Variants in VNN1 observed in about 807,000 individuals in gnomAD.
VNN1 encodes pantetheinase.
Under a neutral mutation model 41.9 loss-of-function variants are expected in VNN1, and 29 were observed. That is an observed-to-expected ratio of 0.69 (90% CI 0.52 to 0.94). VNN1 has a LOEUF of 0.94. Ranked by LOEUF, VNN1 falls within the 40% of genes least tolerant of loss-of-function variation. The probability of loss-of-function intolerance (pLI) is 0.00; values close to 1 mark genes in which losing one functional copy is unlikely to be tolerated. For missense variants in VNN1, 637 were observed against 621.1 expected (o/e 1.03, Z -0.27); for synonymous variants, 233 against 224.4 (o/e 1.04, Z -0.34).
chr6:132,713,132 C>G (rs1397480745), intron 1 of VNN1, among the ~76,000 whole-genome samples: 1 of 152,160 alleles, frequency 6.6e-6, no homozygotes, highest in Non-Finnish European at 1.5e-5. Context: ...GAGACCTTAA[C>G]TCAACAACAC....
chr6:132,683,657 C>T (rs550964107), intron 6 of VNN1, among the ~76,000 whole-genome samples: 2 of 152,260 alleles, frequency 1.3e-5, no homozygotes, highest in African/African-American at 4.8e-5. Context: ...CACAATGGCC[C>T]GAAGCAATTG....
chr6:132,707,974 T>A (rs1778543523), intron 2 of VNN1, among the ~76,000 whole-genome samples: 1 of 152,218 alleles, frequency 6.6e-6, no homozygotes. Context: ...CTTGAGGGGA[T>A]GGAAACCCCA....
chr6:132,688,637 A>G (rs1445763609), intron 5 of VNN1, among the ~76,000 whole-genome samples: 5 of 152,196 alleles, frequency 3.3e-5, no homozygotes, highest in Admixed American at 6.5e-5. Flanking sequence ...TAAAAATAAT[A>G]CATCACAATT....
intron 1 of VNN1, among the ~76,000 whole-genome samples, chr6:132,712,153 CTT>C (rs569395584): frequency 2.3e-5 from 3 of 132,674 alleles, no homozygotes; most frequent in Non-Finnish European, 3.3e-5. Flanking sequence ...TTTTTTCTCT[CTT>C]TTTTTTTTTT....
At chr6:132,707,475 G>C (rs1165962178) in intron 2 of VNN1, among the ~76,000 whole-genome samples, 2 of 152,142 alleles carry the variant, frequency 1.3e-5, no homozygotes, top group Non-Finnish European at 2.9e-5. Context: ...TCAGTATATA[G>C]AAAAGATATC....
chr6:132,687,331 T>A (rs541012431), intron 5 of VNN1, among the ~76,000 whole-genome samples: 1 of 152,028 alleles, frequency 6.6e-6, no homozygotes, highest in Non-Finnish European at 1.5e-5. Flanking sequence ...GACCAGTGAG[T>A]CTCAAAAATC....
intron 2 of VNN1, chr6:132,698,885 C>T (rs1778411586): frequency 4.8e-6 from 1 of 207,214 alleles, no homozygotes; most frequent in Non-Finnish European, 1.1e-5. Flanking sequence ...TGGTTTGAGA[C>T]TAATTGAGTT....
chr6:132,711,318 C>T lies in VNN1; in HGVS notation c.341+391G>A, dbSNP rs926137143. 2.0e-5 allele frequency among the ~76,000 whole-genome samples: 3 copies of T among 151,934 alleles called. No homozygotes were observed. The South Asian group carries it at 6.2e-4, about 31-fold the overall frequency. On this transcript the variant is annotated intron_variant, in intron 2 of 6. Coordinates refer to ENST00000367928, the MANE Select transcript of VNN1 (RefSeq NM_004666.3). Reference sequence around the variant, plus strand: ...TTACAATCAGCTTACACTTTAAGGACTTTACTACATTAACCTCATCAGCTA... The same window carrying T: ...TTACAATCAGCTTACACTTTAAGGATTTTACTACATTAACCTCATCAGCTA...
In VNN1 at chr6:132,692,443, A is replaced by G. The variant is rs541243169; in HGVS notation, c.968T>C (p.Ile323Thr). The G allele has an allele frequency of 6.2e-6, 10 of 1,614,170 alleles. No individual in the cohort carries two copies. In the South Asian group the frequency reaches 8.8e-5, roughly 14 times the overall value. ...CTTGTTTCCTGATGAGAGCGCTTCT[A>G]TACTGCTGGCATAGGAAGTCCAGTT... ...VVNWTSYASS[I>T]EALSSGNKEF... Residue 323 changes from isoleucine (I) to threonine (T), a missense_variant, in exon 5 of 7, where the codon ATA (isoleucine) becomes ACA (threonine). By Grantham distance (89) the Ile-to-Thr change is moderately conservative. Transcript: ENST00000367928.
In VNN1 at chr6:132,693,887, G is replaced by A. The variant is rs921778838; in HGVS notation, c.534+103C>T. The A allele has an allele frequency of 2.2e-5, 30 of 1,370,468 alleles. No individual in the cohort carries two copies. In the South Asian group the frequency reaches 2.5e-4, roughly 11 times the overall value. 84.9% of individuals were successfully genotyped at this position (1,370,468 alleles called of 1,614,324 possible). A position where few individuals can be genotyped will look rare whatever the true frequency, so the allele number is the denominator to read the frequency against. ...TACTTTCTATGCTTTGCCCCTACTC[G>A]ATTTCTAAAGTGTGCTTATCATTAT... is the stretch of plus-strand genomic sequence containing the variant. On this transcript the variant is annotated intron_variant, in intron 3 of 6. Coordinates refer to ENST00000367928, the MANE Select transcript of VNN1 (RefSeq NM_004666.3).
intron 2 of VNN1, among the ~76,000 whole-genome samples, chr6:132,704,023 C>T (rs891149847): frequency 6.6e-6 from 1 of 151,920 alleles, no homozygotes; most frequent in Non-Finnish European, 1.5e-5. Context: ...ATTGAGCACA[C>T]AAGTGTGCTA....
Position 132,693,253 on chromosome 6 carries a change from G to A in VNN1, c.597C>T (p.Phe199=), listed in dbSNP as rs757939772. Residue 199 remains phenylalanine (F), a synonymous_variant, in exon 4 of 7, where the codon TTC becomes TTT. Coordinates refer to ENST00000367928, the MANE Select transcript of VNN1 (RefSeq NM_004666.3). ...TGCCAAAACTTCCAAAGGTGGTATT[G>A]AAAGTCACAATCTCAGGCTCCTTGG... ...NVPKEPEIVT[F]NTTFGSFGIF... 9.9e-6 allele frequency: 16 copies of A among 1,614,040 alleles called. No homozygotes were observed. The Admixed American group carries it at 2.7e-4, about 27-fold the overall frequency.
intron 2 of VNN1, among the ~76,000 whole-genome samples, chr6:132,710,329 C>A (rs1352454466): frequency 3.3e-5 from 5 of 152,146 alleles, no homozygotes; most frequent in African/African-American, 1.2e-4. Flanking sequence ...GAATTACAGG[C>A]ATGAGTCACC....
intron 2 of VNN1, among the ~76,000 whole-genome samples, chr6:132,705,621 G>A (rs1467853661): frequency 6.6e-6 from 1 of 152,092 alleles, no homozygotes; most frequent in Non-Finnish European, 1.5e-5. Flanking sequence ...AGACAAGAAT[G>A]TCCATTTTCA....
intron 2 of VNN1, among the ~76,000 whole-genome samples, chr6:132,701,542 T>C (rs1402069850): frequency 1.3e-5 from 2 of 152,170 alleles, no homozygotes; most frequent in African/African-American, 4.8e-5. Context: ...CTGGAAGTCC[T>C]AGCCAGAGCA....
rs569050279 is a variant in VNN1 at position 132,706,152 on chromosome 6, GA to G, written c.341+5556del. Among the ~76,000 whole-genome samples the G allele has an allele frequency of 3.1e-3, 474 of 151,274 alleles. 4 individuals carry two copies. Among genetic ancestry groups the G allele is most frequent in the Non-Finnish European group, 5.5e-3 (370 of 67,740 alleles). On this transcript the variant is annotated intron_variant, in intron 2 of 6. Transcript: ENST00000367928. ...ACCAATGTCATTCTTCACAGACATA[GA>G]AAAAAAAATTCTGAAATTTACGTGG...
rs1029177223 is a variant in VNN1 at position 132,682,918 on chromosome 6, C to T, written c.*222G>A. ...ATACTTATTTGATATAATTAGCTCACGTCCAAGAAAGACCAATGTTCAAAT... is the reference window on the plus strand; with the variant it reads ...ATACTTATTTGATATAATTAGCTCATGTCCAAGAAAGACCAATGTTCAAAT... On this transcript the variant is annotated 3_prime_UTR_variant, in exon 7 of 7. Coordinates refer to ENST00000367928, the MANE Select transcript of VNN1 (RefSeq NM_004666.3). 6.3e-6 allele frequency: 2 copies of T among 317,046 alleles called. No individual in the cohort carries two copies. Among genetic ancestry groups the T allele is most frequent in the East Asian group, 5.5e-5 (1 of 18,196 alleles). 19.6% of individuals were successfully genotyped at this position (317,046 alleles called of 1,614,324 possible).
At chr6:132,687,254 CATAACCACCTTTGA>C (rs1407513663) in intron 5 of VNN1, among the ~76,000 whole-genome samples, 3 of 152,176 alleles carry the variant, frequency 2.0e-5, no homozygotes, top group African/African-American at 7.2e-5. Flanking sequence ...GAAGAAAAGT[CATAACCACCTTTGA>C]ATTCCATGCC....
chr6:132,707,961 A>G (rs942083251), intron 2 of VNN1, among the ~76,000 whole-genome samples: 2 of 152,232 alleles, frequency 1.3e-5, no homozygotes, highest in Non-Finnish European at 2.9e-5. Context: ...CAAAGGATAA[A>G]TGCTTGAGGG....
Sources: gnomAD v4.1 joint callset for allele counts (sites outside exome capture counted in the v4.1 genomes callset) on GRCh38, gnomAD v4.1.1 for gene constraint, MANE v1.5 for transcripts, NCBI Gene and HGNC (gene_info 2026-07-23, HGNC 2026-07-21) for gene names.